ZNF730: variants seen among roughly 807,000 people sequenced by gnomAD.
ZNF730 encodes the protein zinc finger protein 730.
A neutral mutation model predicts 12.6 loss-of-function variants in ZNF730; 12 were observed. That is an observed-to-expected ratio of 0.95 (90% CI 0.61 to 1.54). The LOEUF is 1.54. Ranked by LOEUF, ZNF730 falls within the 40% of genes most tolerant of loss-of-function variation. The pLI is 0.00. For missense variants in ZNF730, 643 were observed against 583.5 expected (o/e 1.10, Z -1.05); for synonymous variants, 194 against 195.8 (o/e 0.99, Z 0.08).
At chr19:23,082,248 A>G (rs773192025) in intron 1 of ZNF730, among the ~76,000 whole-genome samples, 1 of 151,986 alleles carries the variant, frequency 6.6e-6, no homozygotes, top group Non-Finnish European at 1.5e-5. Flanking sequence ...GAGTCCTCGT[A>G]TGAGTAAAAT....
At chr19:23,095,524 G>T (rs1970234250) in intron 1 of ZNF730, 1 of 398,342 alleles carries the variant, frequency 2.5e-6, no homozygotes, top group South Asian at 1.3e-4. Flanking sequence ...TAGCTCACAT[G>T]ACTCTCCCCC....
Position 23,136,202 on chromosome 19 carries a change from C to G in ZNF730, c.226+159C>G, listed in dbSNP as rs368349250. ...TTGCTTTTTATTTATTTTTTTTCCT[C>G]TCACATAGAAGCATCTTTTGTTTTA... On this transcript the variant is annotated intron_variant, in intron 3 of 3. Coordinates refer to ENST00000597761, the MANE Select transcript of ZNF730 (RefSeq NM_001277403.2). The G allele has an allele frequency of 1.0e-3, 482 of 466,332 alleles. 1 individual carries two copies. The highest frequency in any genetic ancestry group is 1.4e-3 in the Non-Finnish European group (411 of 301,716). The allele number at this position is 466,332 out of a possible 1,614,324, so 28.9% of individuals were successfully genotyped here. A position where few individuals can be genotyped will look rare whatever the true frequency, so the allele number is the denominator to read the frequency against.
chr19:23,095,899 C>G (rs991895441), intron 1 of ZNF730, among the ~76,000 whole-genome samples: 2 of 152,138 alleles, frequency 1.3e-5, no homozygotes, highest in African/African-American at 4.8e-5. Flanking sequence ...TGTGATTTTC[C>G]TCCACTCACA....
At position 23,146,194 on chromosome 19, in the gene ZNF730, A is replaced by G. The variant is rs779154353; in HGVS notation, c.1150A>G (p.Thr384Ala). ...AGCTTTTAACCAATCCTCAACTCTT[A>G]CTATACATAAGATAATTCATACTGT... ...GKAFNQSSTL[T>A]IHKIIHTVEK... Residue 384 changes from threonine to alanine, a missense_variant, in exon 4 of 4, where the codon ACT becomes GCT. Physicochemically the swap from Thr to Ala is moderately conservative, Grantham distance 58 (BLOSUM62 0). Transcript: ENST00000597761. 14 of 1,609,682 alleles carry G rather than the reference A, an allele frequency of 8.7e-6. No individual in the cohort carries two copies. The African/African-American group carries it at 9.4e-5, about 11-fold the overall frequency.
At chr19:23,107,702 A>G (rs759810495) in intron 1 of ZNF730, among the ~76,000 whole-genome samples, 7 of 152,226 alleles carry the variant, frequency 4.6e-5, no homozygotes, top group Middle Eastern at 3.2e-3. Flanking sequence ...ACAAAAAATT[A>G]CATAGTACAT....
At chr19:23,092,938 G>C (rs574943152) in intron 1 of ZNF730, among the ~76,000 whole-genome samples, 1 of 152,210 alleles carries the variant, frequency 6.6e-6, no homozygotes, top group Admixed American at 6.5e-5. Context: ...GATTGTCCTG[G>C]CCTCATAGAA....
chr19:23,098,670 G>C (rs1359099536), intron 1 of ZNF730, among the ~76,000 whole-genome samples: 2 of 152,080 alleles, frequency 1.3e-5, no homozygotes, highest in African/African-American at 4.8e-5. Context: ...TTTTTAGGAA[G>C]AAATGGTAAC....
intron 1 of ZNF730, among the ~76,000 whole-genome samples, chr19:23,120,627 G>T (rs1568311468): frequency 1.3e-5 from 2 of 150,816 alleles, no homozygotes; most frequent in Non-Finnish European, 3.0e-5. Flanking sequence ...AAGATAAGTG[G>T]TTATTATCTT....
At chr19:23,116,385 C>T (rs369782072), upstream of ZNF730, among the ~76,000 whole-genome samples, 62 of 140,396 alleles carry the variant, frequency 4.4e-4, no homozygotes, top group African/African-American at 1.5e-3. Context: ...CTTTCTTTTT[C>T]TCTCTCTCTT....
chr19:23,139,006 G>T (rs868659976), intron 3 of ZNF730, among the ~76,000 whole-genome samples: 17 of 151,828 alleles, frequency 1.1e-4, no homozygotes, highest in Non-Finnish European at 2.2e-4. Flanking sequence ...TCAATTTTGT[G>T]TGTAATTTTA....
At position 23,138,200 on chromosome 19, in the gene ZNF730, G is replaced by A. The variant is rs1187248530; in HGVS notation, c.226+2157G>A. ...TGGGAGGCTGAGGCAGGAGAATGGC[G>A]TGAACCCGGGAGGCGGAGCTTGCAG... On this transcript the variant is annotated intron_variant, in intron 3 of 3. Coordinates refer to ENST00000597761, the MANE Select transcript of ZNF730 (RefSeq NM_001277403.2). Among the ~76,000 whole-genome samples, 2 of 63,406 alleles carry A rather than the reference G, an allele frequency of 3.2e-5. 1 individual carries two copies. Among genetic ancestry groups the A allele is most frequent in the Non-Finnish European group, 7.3e-5 (2 of 27,516 alleles). 41.6% of individuals were successfully genotyped at this position (63,406 alleles called of 152,430 possible).
intron 1 of ZNF730, among the ~76,000 whole-genome samples, chr19:23,107,472 A>C (rs1184609248): frequency 6.7e-6 from 1 of 149,794 alleles, no homozygotes; most frequent in African/African-American, 2.5e-5. Context: ...AAAAAAAAAA[A>C]AAACCACCAC....
At chr19:23,078,268 A>C (rs985172475) in intron 1 of ZNF730, among the ~76,000 whole-genome samples, 3 of 151,824 alleles carry the variant, frequency 2.0e-5, no homozygotes, top group African/African-American at 7.3e-5. Flanking sequence ...AATATAGTAG[A>C]ATGATTTATA....
At chr19:23,114,218 C>T (rs973013841), upstream of ZNF730, among the ~76,000 whole-genome samples, 1 of 151,932 alleles carries the variant, frequency 6.6e-6, no homozygotes, top group Non-Finnish European at 1.5e-5. Context: ...ACTTTGGATC[C>T]ACAGGCTACT....
At chr19:23,142,208 T>C (rs1464413455) in intron 3 of ZNF730, among the ~76,000 whole-genome samples, 2 of 151,940 alleles carry the variant, frequency 1.3e-5, no homozygotes, top group African/African-American at 4.8e-5. Context: ...AGTTTTTAAC[T>C]TAAGATGTAG....
chr19:23,123,575 C>T (rs1291728516), intron 1 of ZNF730: 2 of 142,576 alleles, frequency 1.4e-5, no homozygotes, highest in East Asian at 4.0e-4. Context: ...AAGACTCCAT[C>T]TCAAAAAAAA....
At chr19:23,101,259 T>C (rs999458716) in intron 1 of ZNF730, among the ~76,000 whole-genome samples, 1 of 152,110 alleles carries the variant, frequency 6.6e-6, no homozygotes, top group Non-Finnish European at 1.5e-5. Context: ...ACAGAGACTG[T>C]GAAAAGTTGA....
In ZNF730 at chr19:23,145,663, G is replaced by C; in HGVS notation, c.619G>C (p.Gly207Arg). The C allele has an allele frequency of 6.4e-7, 1 of 1,556,806 alleles. No homozygotes were observed. Among genetic ancestry groups the C allele is most frequent in the Non-Finnish European group, 8.7e-7 (1 of 1,151,912 alleles). The stretch of plus-strand genomic sequence containing the variant: ...GAAATCCTACAAATGTGAAGAATAT[G>C]GCAAAGCCTTTAATGAGTCCTCAAA... The part of the protein sequence containing the change: ...GEKSYKCEEY[G>R]KAFNESSNCT... Residue 207 changes from glycine (G) to arginine (R), a missense_variant, in exon 4 of 4, where the codon GGC (glycine) becomes CGC (arginine). By Grantham distance (125) the Gly-to-Arg change is moderately radical. Transcript: ENST00000597761.
At chr19:23,076,003 C>T (rs1209318883) in intron 1 of ZNF730, among the ~76,000 whole-genome samples, 1 of 152,084 alleles carries the variant, frequency 6.6e-6, no homozygotes, top group Non-Finnish European at 1.5e-5. Flanking sequence ...TATTTTAACA[C>T]TCCACAGAGG....
Sources: allele counts gnomAD v4.1 joint callset (sites outside exome capture counted in the v4.1 genomes callset), GRCh38; gene constraint gnomAD v4.1.1; transcripts MANE v1.5; gene names NCBI Gene and HGNC (gene_info 2026-07-23, HGNC 2026-07-21).